ABCC1: variants seen among roughly 807,000 people sequenced by gnomAD.
The protein encoded by ABCC1 is multidrug resistance-associated protein 1.
A neutral mutation model predicts 172.9 loss-of-function variants in ABCC1; 83 were observed. That is an observed-to-expected ratio of 0.48 (90% CI 0.40 to 0.58). The LOEUF (loss-of-function observed/expected upper bound fraction) is 0.58, where lower values mean the gene tolerates loss of function less well. ABCC1 is among the 20% of genes least tolerant of loss of function. The pLI is 0.00. For synonymous variants in ABCC1, 937 were observed against 825.2 expected, an observed-to-expected ratio of 1.14 and a Z score of -2.32; for missense variants, 1,817 against 2,002.7, an observed-to-expected ratio of 0.91 and a Z score of 1.77.
intron 6 of ABCC1, among the ~76,000 whole-genome samples, chr16:16,035,841 C>T (rs995389976): frequency 5.3e-5 from 8 of 151,480 alleles, no homozygotes; most frequent in South Asian, 2.1e-4. Flanking sequence ...TGGCGGGGCA[C>T]GGTGGCTTAT....
Position 16,141,261 on chromosome 16 carries a change from A to G in ABCC1, c.4576A>G (p.Lys1526Glu). ...QQRGLFYSMA[K>E]DAGLV ...GAGAGGTCTTTTCTACAGCATGGCC[A>G]AAGACGCCGGCTTGGTGTGAGCCCC... is the stretch of plus-strand genomic sequence containing the variant. Residue 1526 changes from lysine to glutamate, a missense_variant, in exon 31 of 31, where the codon AAA becomes GAA. Physicochemically the swap from Lys to Glu is moderately conservative, Grantham distance 56. Transcript: ENST00000399410. 6.2e-7 allele frequency: 1 copy of G among 1,614,022 alleles called. No homozygotes were observed. The highest frequency in any genetic ancestry group is 8.5e-7 in the Non-Finnish European group (1 of 1,180,018).
At chr16:16,009,944 T>C in intron 3 of ABCC1, 43 bp downstream of exon 3, 1 of 1,484,550 alleles carries the variant, frequency 6.7e-7, no homozygotes, top group Non-Finnish European at 9.0e-7. Flanking sequence ...TCTGCTGGGC[T>C]CAGTGGAGAC....
intron 20 of ABCC1, chr16:16,106,416 GAA>G (rs56210046): frequency 0.029 from 3,674 of 124,548 alleles, 95 homozygotes; most frequent in African/African-American, 0.074. Context: ...ATTGATCTCA[GAA>G]AAAAAAAAAA....
chr16:16,135,952 G>C (rs574423927), intron 28 of ABCC1, among the ~76,000 whole-genome samples: 1 of 151,982 alleles, frequency 6.6e-6, no homozygotes, highest in African/African-American at 2.4e-5. Context: ...CATATTGAAG[G>C]CTCCAGGAAG....
At chr16:16,050,545 G>A (rs1165047585) in intron 10 of ABCC1, among the ~76,000 whole-genome samples, 2 of 151,746 alleles carry the variant, frequency 1.3e-5, no homozygotes, top group East Asian at 1.9e-4. Context: ...AGCAGAAGGT[G>A]AGTAAAGTGT....
chr16:16,011,504 G>A (rs1443926730), intron 3 of ABCC1, among the ~76,000 whole-genome samples: 2 of 152,120 alleles, frequency 1.3e-5, no homozygotes, highest in Non-Finnish European at 2.9e-5. Context: ...TTTAGAGTCA[G>A]AGTCATACTC....
At chr16:16,001,563 G>A (rs2047311577) in intron 1 of ABCC1, among the ~76,000 whole-genome samples, 1 of 152,100 alleles carries the variant, frequency 6.6e-6, no homozygotes. Context: ...AAGAGAGAAG[G>A]CCATTAGATC....
chr16:15,998,732 C>T (rs982886368), intron 1 of ABCC1, among the ~76,000 whole-genome samples: 8 of 152,168 alleles, frequency 5.3e-5, no homozygotes, highest in East Asian at 3.9e-4. Context: ...CTCTCCTTCC[C>T]TGGAGTTCCG....
chr16:16,119,848 A>C (rs957724227), intron 23 of ABCC1, among the ~76,000 whole-genome samples: 2 of 152,006 alleles, frequency 1.3e-5, no homozygotes, highest in Non-Finnish European at 2.9e-5. Flanking sequence ...CTGGTAAGAG[A>C]GGAAGGAGAT....
chr16:15,977,026 G>A (rs2046511499), intron 1 of ABCC1, among the ~76,000 whole-genome samples: 1 of 152,164 alleles, frequency 6.6e-6, no homozygotes, highest in Non-Finnish European at 1.5e-5. Flanking sequence ...GGCCAGGATG[G>A]GGAGTGAGGA....
At chr16:16,019,394 G>A (rs987169558) in intron 5 of ABCC1, among the ~76,000 whole-genome samples, 3 of 152,084 alleles carry the variant, frequency 2.0e-5, no homozygotes, top group Non-Finnish European at 2.9e-5. Context: ...GTGAGCCACC[G>A]TGTCTGGCCG....
At chr16:15,986,302 A>G (rs964144800) in intron 1 of ABCC1, among the ~76,000 whole-genome samples, 6 of 151,974 alleles carry the variant, frequency 3.9e-5, no homozygotes, top group African/African-American at 1.5e-4. Context: ...CTGTGATTAC[A>G]TTGGGCCCAC....
chr16:16,083,081 G>A (rs558181544), intron 16 of ABCC1, among the ~76,000 whole-genome samples: 2 of 152,194 alleles, frequency 1.3e-5, no homozygotes, highest in Non-Finnish European at 2.9e-5. Context: ...TGTAGGCATT[G>A]AGTTAATAGC....
chr16:16,027,172 A>T (rs17205398), intron 5 of ABCC1, among the ~76,000 whole-genome samples: 11,860 of 151,924 alleles, frequency 0.078, 526 homozygotes, highest in Non-Finnish European at 0.092. Flanking sequence ...GCCTGTTTTC[A>T]CCCCTTAATC....
chr16:16,095,480 G>A (rs754208457), intron 19 of ABCC1, among the ~76,000 whole-genome samples: 12 of 152,156 alleles, frequency 7.9e-5, no homozygotes, highest in African/African-American at 2.4e-4. Context: ...CAGCGATGTC[G>A]CTAAACATCC....
rs552910051 is a variant in ABCC1 at position 16,038,724 on chromosome 16, C to T, written c.809+2121C>T. ...ATCACCCATCTCATCTGGATTCCTT[C>T]AGCCTCACCTGCAGCATCCCCCCCG... On this transcript the variant is annotated intron_variant, in intron 7 of 30. Transcript: ENST00000399410. 6.8e-4 allele frequency among the ~76,000 whole-genome samples: 103 copies of T among 152,286 alleles called. No homozygotes were observed. In the Middle Eastern group the frequency reaches 0.01, roughly 15 times the overall value.
At chr16:16,110,807 C>G (rs1394705072) in intron 21 of ABCC1, among the ~76,000 whole-genome samples, 1 of 152,182 alleles carries the variant, frequency 6.6e-6, no homozygotes, top group African/African-American at 2.4e-5. Flanking sequence ...CGTTTACAGC[C>G]CTTCTCTGTG....
At chr16:16,134,615 C>T in intron 28 of ABCC1, 107 bp downstream of exon 28, 3 of 656,258 alleles carry the variant, frequency 4.6e-6, no homozygotes, top group Admixed American at 3.4e-5. Flanking sequence ...TTTGGCCCTA[C>T]TTCATCGTTC....
chr16:16,131,866 C>G lies in ABCC1; in HGVS notation c.3897C>G (p.Cys1299Trp), dbSNP rs375787702. Residue 1299 changes from cysteine (C) to tryptophan (W), a missense_variant, in exon 27 of 31, where the codon TGC (cysteine) becomes TGG (tryptophan). Around this residue, in one of 3 missense-constraint regions of ABCC1, gnomAD observed 1,412 missense variants for 1,600.3 expected, o/e 0.88. Transcript: ENST00000399410. Reference sequence around the variant, plus strand: ...GCCGAGTGGAATTCCGGAACTACTGCCTGCGCTACCGAGAGGACCTGGACT... The same window carrying G: ...GCCGAGTGGAATTCCGGAACTACTGGCTGCGCTACCGAGAGGACCTGGACT... Reference protein sequence around the residue: ...QVGRVEFRNYCLRYREDLDFV... With the variant: ...QVGRVEFRNYWLRYREDLDFV... The G allele has an allele frequency of 6.2e-7, 1 of 1,614,082 alleles. No homozygotes were observed. The highest frequency in any genetic ancestry group is 8.5e-7 in the Non-Finnish European group (1 of 1,180,040).
Sources: gnomAD v4.1 joint callset for allele counts (sites outside exome capture counted in the v4.1 genomes callset) on GRCh38, gnomAD v4.1.1 for gene constraint, gnomAD v4.1.1 regional missense constraint, MANE v1.5 for transcripts, NCBI Gene and HGNC (gene_info 2026-07-23, HGNC 2026-07-21) for gene names.